Variants in SULT4A1 observed in about 807,000 individuals in gnomAD.
SULT4A1 encodes the protein sulfotransferase 4A1.
SULT4A1 carries 11 observed loss-of-function variants against 35.2 expected under a neutral mutation model. That is an observed-to-expected ratio of 0.31 (90% CI 0.20 to 0.52). The LOEUF (loss-of-function observed/expected upper bound fraction) is 0.52. SULT4A1 is among the 20% of genes least tolerant of loss of function. The pLI, the probability that SULT4A1 is intolerant of heterozygous loss-of-function variation, is 0.97. For missense variants in SULT4A1, 271 were observed against 383.7 expected (o/e 0.71, Z 2.45); for synonymous variants, 152 against 151.8 (o/e 1.00, Z -0.01).
chr22:43,838,077 T>C (rs939295511), intron 4 of SULT4A1, among the ~76,000 whole-genome samples: 1 of 152,200 alleles, frequency 6.6e-6, no homozygotes, highest in African/African-American at 2.4e-5. Flanking sequence ...CCCAAAGCCA[T>C]GGCTGGCCAT....
At chr22:43,853,103 C>T (rs749592809) in intron 1 of SULT4A1, among the ~76,000 whole-genome samples, 5 of 151,812 alleles carry the variant, frequency 3.3e-5, no homozygotes, top group African/African-American at 9.7e-5. Context: ...ACACAGCACG[C>T]ACACACACAC....
intron 1 of SULT4A1, among the ~76,000 whole-genome samples, chr22:43,845,743 T>C (rs1214618796): frequency 3.9e-5 from 6 of 152,162 alleles, no homozygotes; most frequent in Non-Finnish European, 8.8e-5. Flanking sequence ...GCCTGAGCTC[T>C]GCCTCCTGTC....
chr22:43,840,687 G>A lies in SULT4A1; in HGVS notation c.301-662C>T, dbSNP rs1007846476. Reference sequence around the variant, plus strand: ...CGCTCACTGCTTCCACCTGCCCCTCGGGCCTTCCCATCAGCAGCCAGGGTT... The same window carrying A: ...CGCTCACTGCTTCCACCTGCCCCTCAGGCCTTCCCATCAGCAGCCAGGGTT... On this transcript the variant is annotated intron_variant, in intron 2 of 6. Transcript: ENST00000330884. Among the ~76,000 whole-genome samples, 4 of 152,214 alleles carry A rather than the reference G, an allele frequency of 2.6e-5. No homozygotes were observed. In the East Asian group the frequency reaches 5.8e-4, roughly 22 times the overall value.
At chr22:43,846,479 C>T (rs1053936802) in intron 1 of SULT4A1, among the ~76,000 whole-genome samples, 6 of 152,192 alleles carry the variant, frequency 3.9e-5, no homozygotes, top group African/African-American at 9.7e-5. Context: ...GACCGACAAA[C>T]GCTGGTTGCT....
At chr22:43,858,223 G>A (rs113648748) in intron 1 of SULT4A1, among the ~76,000 whole-genome samples, 2,445 of 152,296 alleles carry the variant, frequency 0.016, 29 homozygotes, top group Middle Eastern at 0.024. Flanking sequence ...GGGAGGCCAA[G>A]GCAGGAGGAT....
intron 4 of SULT4A1, among the ~76,000 whole-genome samples, chr22:43,838,172 AAG>A (rs781103864): frequency 4.6e-5 from 7 of 152,238 alleles, no homozygotes; most frequent in Non-Finnish European, 7.3e-5. Context: ...CCAGCGGGGC[AAG>A]AGAGTAAGGA....
chr22:43,848,387 A>C (rs928969102), intron 1 of SULT4A1, among the ~76,000 whole-genome samples: 14 of 152,246 alleles, frequency 9.2e-5, no homozygotes, highest in Non-Finnish European at 1.5e-4. Context: ...ACAGTCTCAC[A>C]GCAAACCTGG....
chr22:43,856,152 T>C (rs2049399198), intron 1 of SULT4A1, among the ~76,000 whole-genome samples: 1 of 152,156 alleles, frequency 6.6e-6, no homozygotes. Flanking sequence ...TTCCTCAGTA[T>C]CATGGCTGTA....
chr22:43,848,332 G>C (rs868600431), intron 1 of SULT4A1, among the ~76,000 whole-genome samples: 14 of 152,356 alleles, frequency 9.2e-5, no homozygotes, highest in African/African-American at 3.4e-4. Context: ...CTGAAATCAA[G>C]ATGGGGCACC....
At chr22:43,841,707 CCA>C in intron 2 of SULT4A1, 93 bp downstream of exon 2, 1 of 1,527,298 alleles carries the variant, frequency 6.5e-7, no homozygotes, top group Non-Finnish European at 8.9e-7. Flanking sequence ...CTCCCCTAAT[CCA>C]CAGAGCCCCC....
intron 3 of SULT4A1, among the ~76,000 whole-genome samples, chr22:43,839,279 A>G (rs2063404827): frequency 6.6e-6 from 1 of 152,130 alleles, no homozygotes; most frequent in Non-Finnish European, 1.5e-5. Flanking sequence ...AAAACTTACA[A>G]CCCTGATCCT....
chr22:43,847,136 C>T (rs1412358615), intron 1 of SULT4A1, among the ~76,000 whole-genome samples: 2 of 152,086 alleles, frequency 1.3e-5, no homozygotes, highest in African/African-American at 4.8e-5. Context: ...CCTGACCTTA[C>T]GTTTTCCAGC....
chr22:43,845,653 AC>A (rs1490903504), intron 1 of SULT4A1, among the ~76,000 whole-genome samples: 1 of 150,602 alleles, frequency 6.6e-6, no homozygotes, highest in Non-Finnish European at 1.5e-5. Flanking sequence ...GGGGTCCCCA[AC>A]CCCCAGGCCA....
At chr22:43,834,572 AGCTTCCCGCGCCCCCACCGCGTCCCTGT>A (rs1265736125) in intron 4 of SULT4A1, among the ~76,000 whole-genome samples, 2 of 126 alleles carry the variant, frequency 0.016, no homozygotes, top group African/African-American at 0.033. Flanking sequence ...CGCGGCCCTG[AGCTTCCCGCGCCCCCACCGCGTCCCTGT>A]GCTTCCCGCG....
intron 2 of SULT4A1, among the ~76,000 whole-genome samples, chr22:43,841,591 CA>C (rs1170655856): frequency 6.6e-6 from 1 of 152,158 alleles, no homozygotes; most frequent in Non-Finnish European, 1.5e-5. Context: ...CTTTCCACTT[CA>C]CAGACTCCCT....
chr22:43,848,539 C>T (rs919162253), intron 1 of SULT4A1, among the ~76,000 whole-genome samples: 9 of 152,226 alleles, frequency 5.9e-5, no homozygotes, highest in Non-Finnish European at 1.2e-4. Flanking sequence ...CAAGCACTGC[C>T]CTTACTGACA....
chr22:43,838,812 G>T, intron 4 of SULT4A1, 55 bp downstream of exon 4: 1 of 1,607,130 alleles, frequency 6.2e-7, no homozygotes, highest in Non-Finnish European at 8.5e-7. Flanking sequence ...CTGCCAGGCC[G>T]TCCACGACAA....
At chr22:43,840,064 G>C in intron 2 of SULT4A1, 39 bp from the exon 3 acceptor site, 6 of 1,555,930 alleles carry the variant, frequency 3.9e-6, no homozygotes, top group Non-Finnish European at 5.3e-6. Context: ...CAGAGGAAAG[G>C]GTGAGACCAA....
rs745789381 is a variant in SULT4A1 at position 43,833,754 on chromosome 22, G to GGTGA, written c.509-24_509-21dup. Reference sequence around the variant, plus strand: ...AGCCCACTGCGGAGACAGGGGACAGGGTGAGCCACACGGCTGGGCAGGAGA... The same window carrying GGTGA: ...AGCCCACTGCGGAGACAGGGGACAGGGTGAGTGAGCCACACGGCTGGGCAGGAGA... On this transcript the variant is annotated intron_variant, in intron 4 of 6. Coordinates refer to ENST00000330884, the MANE Select transcript of SULT4A1 (RefSeq NM_014351.4). 1 of 1,555,724 alleles carries GGTGA rather than the reference G, an allele frequency of 6.4e-7. No individual in the cohort carries two copies. Among genetic ancestry groups the GGTGA allele is most frequent in the African/African-American group, 1.4e-5 (1 of 73,714 alleles).
Sources: allele counts gnomAD v4.1 joint callset (sites outside exome capture counted in the v4.1 genomes callset), GRCh38; gene constraint gnomAD v4.1.1; transcripts MANE v1.5; gene names NCBI Gene and HGNC (gene_info 2026-07-23, HGNC 2026-07-21).